The following TSPAN10 variants were observed in gnomAD, a reference collection of about 807,000 sequenced individuals.
TSPAN10 encodes the protein tetraspanin-10.
TSPAN10 carries 11 observed loss-of-function variants against 15.0 expected under a neutral mutation model. The ratio of observed to expected loss-of-function variants is 0.73; its 90% CI spans 0.46 to 1.21. TSPAN10 has a LOEUF of 1.21. Among genes scored for constraint, TSPAN10 ranks in the 50% most tolerant of loss-of-function variants. The pLI, the probability that TSPAN10 is intolerant of heterozygous loss-of-function variation, is 0.00. For synonymous variants in TSPAN10, 241 were observed against 226.2 expected (o/e 1.07, Z -0.59); for missense variants, 486 against 470.6 (o/e 1.03, Z -0.30).
exon 2 of TSPAN10, chr17:81,645,324 G>A (rs368898111): frequency 1.6e-4 from 244 of 1,558,418 alleles, no homozygotes; most frequent in Non-Finnish European, 2.0e-4. Context: ...CCATGCTGGG[G>A]CTGGCACTGG....
downstream of TSPAN10, chr17:81,648,486 G>A: frequency 6.3e-6 from 3 of 477,754 alleles, no homozygotes; most frequent in Non-Finnish European, 9.4e-6. Context: ...AACGCAGGGC[G>A]CCCGGCGAAG....
chr17:81,648,332 A>T, downstream of TSPAN10: 1 of 1,199,886 alleles, frequency 8.3e-7, no homozygotes, highest in Non-Finnish European at 1.0e-6. Context: ...ACGCACAGGG[A>T]TACAGGGGGC....
chr17:81,642,027 G>A (rs1235816012), upstream of TSPAN10, among the ~76,000 whole-genome samples: 1 of 152,170 alleles, frequency 6.6e-6, no homozygotes, highest in East Asian at 1.9e-4. Flanking sequence ...TTCCCTGGTT[G>A]GGAGCTGATG....
chr17:81,643,329 C>CATGGTTGCAGTGCCTGTA (rs1433307465), intron 1 of TSPAN10, among the ~76,000 whole-genome samples: 3 of 91,886 alleles, frequency 3.3e-5, no homozygotes, highest in Admixed American at 1.2e-4. Context: ...ATTACCGGGA[C>CATGGTTGCAGTGCCTGTA]GGCCGGGCGC....
In TSPAN10 at chr17:81,643,245, G is replaced by A. The variant is rs1038394872; in HGVS notation, c.36+797G>A. Among the ~76,000 whole-genome samples, 105 of 149,560 alleles carry A rather than the reference G, an allele frequency of 7.0e-4. 1 individual carries two copies. In the Middle Eastern group the frequency reaches 0.018, roughly 26 times the overall value. On this transcript the variant is annotated intron_variant, in intron 1 of 2. Transcript: ENST00000611590. Reference sequence around the variant, plus strand: ...GATCTCCTGACCTCGTGATCCACCCGCCTCGGCCTCCCAAAGTGCTGGGAT... The same window carrying A: ...GATCTCCTGACCTCGTGATCCACCCACCTCGGCCTCCCAAAGTGCTGGGAT...
upstream of TSPAN10, among the ~76,000 whole-genome samples, chr17:81,641,369 C>T (rs1257553051): frequency 6.6e-6 from 1 of 152,030 alleles, no homozygotes; most frequent in Non-Finnish European, 1.5e-5. Flanking sequence ...CAGCATATCC[C>T]ACTTCTCCGA....
intron 1 of TSPAN10, among the ~76,000 whole-genome samples, chr17:81,644,593 G>GC (rs2036217943): frequency 6.6e-6 from 1 of 152,192 alleles, no homozygotes. Context: ...TGGGGACGCA[G>GC]CCCCGCCTGT....
intron 1 of TSPAN10, among the ~76,000 whole-genome samples, chr17:81,644,532 C>T (rs1470829692): frequency 6.6e-6 from 1 of 152,210 alleles, no homozygotes; most frequent in Non-Finnish European, 1.5e-5. Flanking sequence ...TACACAAGTT[C>T]CATGCTGCAG....
At chr17:81,645,757 A>G in intron 2 of TSPAN10, 128 bp downstream of exon 3, 9 of 1,217,922 alleles carry the variant, frequency 7.4e-6, no homozygotes, top group Non-Finnish European at 1.0e-5. Context: ...ATGCACACGT[A>G]TACCCACATG....
chr17:81,638,916 T>C (rs187554703), upstream of TSPAN10: 124 of 152,318 alleles, frequency 8.1e-4, no homozygotes, highest in African/African-American at 2.8e-3. Flanking sequence ...ATTTCTAATC[T>C]TATGGCTAAT....
chr17:81,641,954 G>A (rs1453434442), upstream of TSPAN10, among the ~76,000 whole-genome samples: 1 of 152,176 alleles, frequency 6.6e-6, no homozygotes, highest in Non-Finnish European at 1.5e-5. Flanking sequence ...GGGATAGATT[G>A]GCGCTGGGGC....
rs201112334 is a variant in TSPAN10 at position 81,647,983 on chromosome 17, T to C, written c.757T>C (p.Ser253Pro). 4.3e-6 allele frequency: 7 copies of C among 1,611,298 alleles called. 1 individual carries two copies. The highest frequency in any genetic ancestry group is 4.2e-6 in the Non-Finnish European group (5 of 1,179,338). ...CATCGACCCCCGCGAAGATGGAGCC[T>C]CTGTCAACGACCAGTGCGGCTTCGG... Residue 253 changes from serine to proline, a missense_variant, in exon 3 of 3, where the codon TCT becomes CCT. Ser to Pro is a moderately conservative substitution (Grantham distance 74). Coordinates refer to ENST00000611590, the Ensembl canonical transcript of TSPAN10.
At chr17:81,647,714 T>C (rs2036273256) in intron 2 of TSPAN10, 187 bp from the exon 4 acceptor site, 2 of 665,336 alleles carry the variant, frequency 3.0e-6, no homozygotes, top group African/African-American at 1.8e-5. Context: ...GGATACGTTA[T>C]AGAGAGCCAG....
exon 2 of TSPAN10, chr17:81,645,333 G>A (rs1040851343): frequency 1.6e-5 from 25 of 1,565,524 alleles, no homozygotes; most frequent in Non-Finnish European, 2.2e-5. Context: ...GGCTGGCACT[G>A]GGAGGGCTGG....
Position 81,645,363 on chromosome 17 carries a change from GGCTGGCTA to G in TSPAN10, c.409_416del (p.Ala137ProfsTer6). On this transcript the variant is annotated frameshift_variant, in exon 2 of 3. Transcript: ENST00000611590. LOFTEE classifies it high-confidence loss of function. ...GGCTGGTGGTCAGCGCAGTGAGCCT[GGCTGGCTA>G]CCTGGGCGCCCTCTGTGAGAACACC... 6.3e-7 allele frequency: 1 copy of G among 1,593,772 alleles called. No homozygotes were observed. Among genetic ancestry groups the G allele is most frequent in the Admixed American group, 1.7e-5 (1 of 57,376 alleles).
chr17:81,643,641 G>T lies in TSPAN10; in HGVS notation c.36+1193G>T, dbSNP rs1343575463. On this transcript the variant is annotated intron_variant, in intron 1 of 2. Transcript: ENST00000611590. ...AAAAAAAAAAAAAAAAAAATTACCA[G>T]GACATGGTTGCAGTGCCTGTAGTCC... 2.0e-5 allele frequency among the ~76,000 whole-genome samples: 3 copies of T among 150,286 alleles called. 1 individual carries two copies. The highest frequency in any genetic ancestry group is 7.3e-5 in the African/African-American group (3 of 40,982).
intron 1 of TSPAN10, among the ~76,000 whole-genome samples, chr17:81,644,772 T>G (rs375582305): frequency 6.6e-6 from 1 of 152,230 alleles, no homozygotes; most frequent in African/African-American, 2.4e-5. Context: ...CCACCAGAGC[T>G]GGGACCCTCA....
chr17:81,642,368 C>T, upstream of TSPAN10: 1 of 1,612,854 alleles, frequency 6.2e-7, no homozygotes, highest in South Asian at 1.1e-5. Context: ...GCCAGCGAAC[C>T]TCTCCCGGCG....
chr17:81,647,774 G>T, intron 2 of TSPAN10, 127 bp from the exon 4 acceptor site: 1 of 969,440 alleles, frequency 1.0e-6, no homozygotes, highest in South Asian at 1.5e-5. Flanking sequence ...GAGGGCGTAT[G>T]CACGTGTGTG....
Sources: allele counts gnomAD v4.1 joint callset (sites outside exome capture counted in the v4.1 genomes callset), GRCh38; gene constraint gnomAD v4.1.1; transcripts MANE v1.5; gene names NCBI Gene and HGNC (gene_info 2026-07-23, HGNC 2026-07-21).